Variants in PLXNC1 observed in about 807,000 individuals in gnomAD.
PLXNC1 encodes the protein plexin C1, also known as plexin-C1.
Under a neutral mutation model 178.2 loss-of-function variants are expected in PLXNC1, and 75 were observed. The ratio of observed to expected loss-of-function variants is 0.42; its 90% confidence interval spans 0.35 to 0.51. The LOEUF is 0.51. Among genes scored for constraint, PLXNC1 ranks in the 20% least tolerant of loss-of-function variants. The pLI is 0.02. For synonymous variants in PLXNC1, 790 were observed against 779.9 expected, an observed-to-expected ratio of 1.01 and a Z score of -0.22; for missense variants, 1,503 against 1,984.4, an observed-to-expected ratio of 0.76 and a Z score of 4.61.
At chr12:94,198,440 C>T (rs1361973646) in intron 4 of PLXNC1, among the ~76,000 whole-genome samples, 1 of 152,060 alleles carries the variant, frequency 6.6e-6, no homozygotes, top group African/African-American at 2.4e-5. Context: ...CACCCTGGCA[C>T]ACATTTGCCT....
At chr12:94,175,176 T>A (rs1032726845) in intron 2 of PLXNC1, among the ~76,000 whole-genome samples, 1 of 151,948 alleles carries the variant, frequency 6.6e-6, no homozygotes, top group African/African-American at 2.4e-5. Context: ...TATGTGTGTG[T>A]GAGCTTGTGT....
At chr12:94,179,056 A>G (rs1962205077) in intron 2 of PLXNC1, among the ~76,000 whole-genome samples, 1 of 152,218 alleles carries the variant, frequency 6.6e-6, no homozygotes, top group Admixed American at 6.5e-5. Flanking sequence ...GATGGAAGGA[A>G]GTCACTGATC....
chr12:94,206,251 T>G (rs1306591347), intron 4 of PLXNC1, among the ~76,000 whole-genome samples: 15 of 152,080 alleles, frequency 9.9e-5, no homozygotes, highest in Non-Finnish European at 2.2e-4. Flanking sequence ...GGAGTAGGTT[T>G]GGAACTTTTT....
chr12:94,233,373 G>A (rs960397669), intron 9 of PLXNC1, among the ~76,000 whole-genome samples: 9 of 152,206 alleles, frequency 5.9e-5, no homozygotes, highest in Admixed American at 5.2e-4. Flanking sequence ...GCTGGGAAGA[G>A]CTGCCCTCCC....
At chr12:94,221,874 T>A (rs576908241) in intron 6 of PLXNC1, among the ~76,000 whole-genome samples, 1 of 152,270 alleles carries the variant, frequency 6.6e-6, no homozygotes. Context: ...TTTAATCACT[T>A]CACAAAGGCC....
chr12:94,289,770 C>T (rs933625823), intron 23 of PLXNC1, among the ~76,000 whole-genome samples: 2 of 152,162 alleles, frequency 1.3e-5, no homozygotes, highest in Admixed American at 6.5e-5. Context: ...TCTTTATAAT[C>T]GTGTTAAAGT....
chr12:94,292,680 A>C (rs1290025578), intron 23 of PLXNC1, among the ~76,000 whole-genome samples: 1 of 152,222 alleles, frequency 6.6e-6, no homozygotes, highest in Non-Finnish European at 1.5e-5. Context: ...TTTCATATAC[A>C]CCTTGTACAC....
At chr12:94,209,313 T>C (rs1405414181) in intron 4 of PLXNC1, among the ~76,000 whole-genome samples, 1 of 152,226 alleles carries the variant, frequency 6.6e-6, no homozygotes, top group African/African-American at 2.4e-5. Flanking sequence ...GGCGATGTCA[T>C]CTTGAGAGAT....
chr12:94,281,679 C>A (rs927492627), intron 22 of PLXNC1, among the ~76,000 whole-genome samples: 1 of 152,176 alleles, frequency 6.6e-6, no homozygotes, highest in Non-Finnish European at 1.5e-5. Flanking sequence ...CCTCCGCCTC[C>A]CAAAGTATTG....
intron 5 of PLXNC1, among the ~76,000 whole-genome samples, chr12:94,212,345 C>CT (rs1032634819): frequency 1.3e-5 from 2 of 149,836 alleles, no homozygotes; most frequent in African/African-American, 4.9e-5. Context: ...ATTTATTATA[C>CT]TTTAAGTTCT....
Position 94,305,467 on chromosome 12 carries a change from G to C in PLXNC1, c.*182G>C, listed in dbSNP as rs1968910044. 8.9e-6 allele frequency: 5 copies of C among 561,260 alleles called. No homozygotes were observed. Among genetic ancestry groups the C allele is most frequent in the African/African-American group, 1.9e-5 (1 of 53,018 alleles). The allele number at this position is 561,260 out of a possible 1,614,324, so 34.8% of individuals were successfully genotyped here. On this transcript the variant is annotated 3_prime_UTR_variant, in exon 31 of 31. Transcript: ENST00000258526. ...AGAAAGCATACCAACCCTTGTGCCT[G>C]TGTGTATACCGTGGGAACCCTTCTG...
chr12:94,162,356 G>A (rs1251107261), intron 1 of PLXNC1, among the ~76,000 whole-genome samples: 3 of 152,180 alleles, frequency 2.0e-5, no homozygotes, highest in African/African-American at 7.2e-5. Flanking sequence ...GACTTGGGGA[G>A]CAGAAGCAGA....
chr12:94,240,426 G>A, intron 10 of PLXNC1, 59 bp from the exon 11 acceptor site: 2 of 1,288,742 alleles, frequency 1.6e-6, no homozygotes, highest in East Asian at 2.4e-5. Context: ...GTCACCTTGG[G>A]TAATCAACTG....
chr12:94,278,258 CTT>C, intron 21 of PLXNC1: 1 of 350,862 alleles, frequency 2.9e-6, no homozygotes, highest in Non-Finnish European at 5.7e-6. Context: ...GCCTTTCTGA[CTT>C]TGTGATTACC....
intron 10 of PLXNC1, among the ~76,000 whole-genome samples, chr12:94,238,711 G>A (rs1240123894): frequency 3.9e-5 from 6 of 152,168 alleles, no homozygotes; most frequent in African/African-American, 1.2e-4. Context: ...GATTTGTACA[G>A]CATTCTAATC....
At chr12:94,279,432 A>G (rs749520770) in intron 21 of PLXNC1, 40 bp from the exon 22 acceptor site, 63 of 1,567,652 alleles carry the variant, frequency 4.0e-5, no homozygotes, top group Non-Finnish European at 4.8e-5. Flanking sequence ...TCAGATTGCA[A>G]TTATCTAATA....
Position 94,260,772 on chromosome 12 carries a change from C to A in PLXNC1, c.3382C>A (p.Arg1128Ser). 2 of 1,614,160 alleles carry A rather than the reference C, an allele frequency of 1.2e-6. No homozygotes were observed. Among genetic ancestry groups the A allele is most frequent in the Non-Finnish European group, 1.7e-6 (2 of 1,180,020 alleles). Residue 1128 changes from arginine to serine, a missense_variant, in exon 20 of 31, where the codon CGC (arginine) becomes AGC (serine). Around this residue, in one of 4 missense-constraint regions of PLXNC1, gnomAD observed 639 missense variants for 979.7 expected, o/e 0.65. Transcript: ENST00000258526. This position sits in a 1 kb window ranked among gnomAD's most constrained non-coding sequence, Gnocchi z 4.4. ...CATGCAGCCGAAACTCATGCTGAGA[C>A]GCACGGAGTCCGTCGTCGAAAAACT... ...SNMQPKLMLR[R>S]TESVVEKLLT...
At chr12:94,216,161 G>A (rs1043784207) in intron 5 of PLXNC1, among the ~76,000 whole-genome samples, 3 of 151,966 alleles carry the variant, frequency 2.0e-5, no homozygotes, top group African/African-American at 4.8e-5. Flanking sequence ...CCAGCTACTC[G>A]GGAGGCTGAG....
chr12:94,175,618 C>T lies in PLXNC1; in HGVS notation c.1204-5828C>T, dbSNP rs528158183. Among the ~76,000 whole-genome samples the T allele has an allele frequency of 3.4e-4, 52 of 152,294 alleles. No individual in the cohort carries two copies. The South Asian group carries it at 4.4e-3, about 13-fold the overall frequency. The stretch of plus-strand genomic sequence containing the variant: ...CATCAACAGAAACAATATGTTGACA[C>T]GAACTGAAATTCTCCATCAGAGAAA... On this transcript the variant is annotated intron_variant, in intron 2 of 30. Transcript: ENST00000258526.
Sources: gnomAD v4.1 joint callset for allele counts (sites outside exome capture counted in the v4.1 genomes callset) on GRCh38, gnomAD v4.1.1 for gene constraint, gnomAD v4.1.1 regional missense constraint, Gnocchi (gnomAD v3.1) non-coding constraint, MANE v1.5 for transcripts, NCBI Gene and HGNC (gene_info 2026-07-23, HGNC 2026-07-21) for gene names.